The following STK32A variants were observed in gnomAD, a reference collection of about 807,000 sequenced individuals.
The protein encoded by STK32A is serine/threonine kinase 32A.
STK32A carries 41 observed loss-of-function variants against 53.2 expected under a neutral mutation model. That is an observed-to-expected ratio of 0.77 (90% CI 0.60 to 1.00). STK32A has a LOEUF of 1.00. Among genes scored for constraint, STK32A ranks in the 50% least tolerant of loss-of-function variants. The pLI is 0.00. For synonymous variants in STK32A, 166 were observed against 162.8 expected, an observed-to-expected ratio of 1.02 and a Z score of -0.15; for missense variants, 458 against 485.8, an observed-to-expected ratio of 0.94 and a Z score of 0.54.
At chr5:147,388,807 C>T (rs1293666305), downstream of STK32A, among the ~76,000 whole-genome samples, 2 of 152,150 alleles carry the variant, frequency 1.3e-5, no homozygotes, top group Non-Finnish European at 2.9e-5. Context: ...CAATGTGTAT[C>T]TTTCACCATT....
At position 147,366,152 on chromosome 5, in the gene STK32A, A is replaced by G. The variant is rs746102268; in HGVS notation, c.661-4502A>G. 7.9e-5 allele frequency among the ~76,000 whole-genome samples: 12 copies of G among 152,230 alleles called. No homozygotes were observed. The South Asian group carries it at 1.9e-3, about 24-fold the overall frequency. On this transcript the variant is annotated intron_variant, in intron 8 of 12. Transcript: ENST00000397936. ...CTTGGCATTCTTCGGAATTAGGTCAACGTTTCAGATTTTGCTTCCATTTGT... is the reference window on the plus strand; with the variant it reads ...CTTGGCATTCTTCGGAATTAGGTCAGCGTTTCAGATTTTGCTTCCATTTGT...
chr5:147,296,792 T>G (rs11956027), intron 4 of STK32A, among the ~76,000 whole-genome samples: 1 of 151,866 alleles, frequency 6.6e-6, no homozygotes, highest in African/African-American at 2.4e-5. Context: ...TTGGTGGAGG[T>G]TGGGGGTGAT....
Position 147,294,670 on chromosome 5 carries a change from ATTTTTTT to A in STK32A, c.260+15276_260+15282del, listed in dbSNP as rs945079471. Among the ~76,000 whole-genome samples the A allele has an allele frequency of 1.0e-4, 15 of 143,718 alleles. No individual in the cohort carries two copies. The East Asian group carries it at 1.9e-3, about 18-fold the overall frequency. The allele number at this position is 143,718 out of a possible 152,430, so 94.3% of individuals were successfully genotyped here. On this transcript the variant is annotated intron_variant, in intron 4 of 12. Coordinates refer to ENST00000397936, the MANE Select transcript of STK32A (RefSeq NM_001112724.2). ...AGAATTGTCTCTCTTATATCTAGTC[ATTTTTTT>A]TTTCTTTTTTCTTTTTTTCTTTTTG...
intron 6 of STK32A, 176 bp downstream of exon 6, chr5:147,343,219 TACA>T (rs752735438): frequency 3.9e-6 from 3 of 772,608 alleles, no homozygotes; most frequent in African/African-American, 1.7e-5. Context: ...CAGGTTATAG[TACA>T]ACAATACACC....
intron 4 of STK32A, among the ~76,000 whole-genome samples, chr5:147,308,689 C>T (rs1183776964): frequency 6.7e-6 from 1 of 149,742 alleles, no homozygotes; most frequent in African/African-American, 2.4e-5. Flanking sequence ...TCCTTTATCA[C>T]AATAAGAAAG....
intron 2 of STK32A, among the ~76,000 whole-genome samples, chr5:147,269,641 T>C (rs1243125025): frequency 1.3e-5 from 2 of 152,158 alleles, no homozygotes; most frequent in African/African-American, 4.8e-5. Context: ...TTTTCCCTCC[T>C]CTCTGGGGAA....
chr5:147,344,604 T>A (rs1419711631), intron 6 of STK32A, among the ~76,000 whole-genome samples: 1 of 152,314 alleles, frequency 6.6e-6, no homozygotes, highest in Non-Finnish European at 1.5e-5. Context: ...GAGACCCTGT[T>A]TCTTGTTGGG....
At chr5:147,335,161 G>A (rs1399730120) in intron 5 of STK32A, among the ~76,000 whole-genome samples, 1 of 152,002 alleles carries the variant, frequency 6.6e-6, no homozygotes, top group African/African-American at 2.4e-5. Flanking sequence ...AGATAAGGGG[G>A]GATTACTATA....
intron 2 of STK32A, among the ~76,000 whole-genome samples, chr5:147,248,214 T>G (rs58720091): frequency 0.058 from 8,830 of 152,236 alleles, 299 homozygotes; most frequent in Middle Eastern, 0.099. Flanking sequence ...ATGGGGCTTA[T>G]TTTGCTGACT....
intron 2 of STK32A, among the ~76,000 whole-genome samples, chr5:147,254,814 A>G (rs1754153536): frequency 6.6e-6 from 1 of 152,182 alleles, no homozygotes; most frequent in South Asian, 2.1e-4. Context: ...GGAGCAATCA[A>G]AAAGGTTGCT....
intron 8 of STK32A, 136 bp downstream of exon 8, chr5:147,361,750 C>A: frequency 1.5e-6 from 1 of 676,328 alleles, no homozygotes; most frequent in Non-Finnish European, 2.6e-6. Flanking sequence ...GTTGATAACA[C>A]CCCTTGAGAT....
intron 4 of STK32A, among the ~76,000 whole-genome samples, chr5:147,314,356 G>A (rs1753851893): frequency 6.6e-6 from 1 of 151,856 alleles, no homozygotes; most frequent in African/African-American, 2.4e-5. Context: ...AAATTAGCTG[G>A]GTGTGGTGTC....
intron 4 of STK32A, among the ~76,000 whole-genome samples, chr5:147,301,010 G>A (rs1473072291): frequency 6.6e-6 from 1 of 152,166 alleles, no homozygotes. Context: ...ATAAAAGGCA[G>A]ATTCATAGGA....
intron 6 of STK32A, among the ~76,000 whole-genome samples, chr5:147,344,779 C>A (rs1325235506): frequency 6.6e-6 from 1 of 152,198 alleles, no homozygotes. Context: ...CAGCTGGGTG[C>A]CTTTGTGCAT....
intron 2 of STK32A, among the ~76,000 whole-genome samples, chr5:147,243,923 A>G (rs1753679896): frequency 6.6e-6 from 1 of 152,288 alleles, no homozygotes; most frequent in Admixed American, 6.5e-5. Context: ...ATTTTAGAAT[A>G]TACGGTTTAT....
At chr5:147,395,642 G>T in the STK32A span, 3 of 1,614,116 alleles carry the variant, frequency 1.9e-6, no homozygotes, top group Non-Finnish European at 2.5e-6. Context: ...GCCTGCGGGG[G>T]TGCCACCTTT....
chr5:147,248,984 A>G (rs977548895), intron 2 of STK32A, among the ~76,000 whole-genome samples: 6 of 152,156 alleles, frequency 3.9e-5, no homozygotes, highest in African/African-American at 1.4e-4. Context: ...AACCTTAACT[A>G]ATATCATGGC....
chr5:147,242,334 A>C (rs1055917052), intron 2 of STK32A, among the ~76,000 whole-genome samples: 25 of 152,268 alleles, frequency 1.6e-4, no homozygotes, highest in African/African-American at 5.8e-4. Flanking sequence ...GACATGAAGA[A>C]TAGAGGAGGA....
At chr5:147,275,988 G>A (rs1252244765) in intron 2 of STK32A, among the ~76,000 whole-genome samples, 2 of 152,134 alleles carry the variant, frequency 1.3e-5, no homozygotes, top group African/African-American at 4.8e-5. Flanking sequence ...GATTCAAAAT[G>A]TCATCATGGC....
Sources: gnomAD v4.1 joint callset for allele counts (sites outside exome capture counted in the v4.1 genomes callset) on GRCh38, gnomAD v4.1.1 for gene constraint, MANE v1.5 for transcripts, NCBI Gene and HGNC (gene_info 2026-07-23, HGNC 2026-07-21) for gene names.